Variants in EPC2 observed in about 807,000 individuals in gnomAD.
The protein encoded by EPC2 is enhancer of polycomb homolog 2.
In EPC2, 14 loss-of-function variants were observed where a neutral mutation model predicts 92.1. The observed-to-expected ratio is 0.15, with a 90% CI of 0.10 to 0.24. The LOEUF (loss-of-function observed/expected upper bound fraction) is 0.24. EPC2 is among the 10% of genes least tolerant of loss of function. The probability of loss-of-function intolerance (pLI) is 1.00; values close to 1 mark genes in which losing one functional copy is unlikely to be tolerated. For synonymous variants in EPC2, 340 were observed against 334.7 expected (o/e 1.02, Z -0.17); for missense variants, 755 against 971.5 (o/e 0.78, Z 2.96).
chr2:148,723,451 C>T (rs1460548463), intron 2 of EPC2, among the ~76,000 whole-genome samples: 1 of 152,112 alleles, frequency 6.6e-6, no homozygotes, highest in Non-Finnish European at 1.5e-5. Context: ...TTTTCCAGCC[C>T]TCCCTCTCCC....
At chr2:148,753,469 T>G (rs1409015919) in intron 3 of EPC2, among the ~76,000 whole-genome samples, 1 of 152,192 alleles carries the variant, frequency 6.6e-6, no homozygotes, top group Non-Finnish European at 1.5e-5. Flanking sequence ...AATTGCAATA[T>G]ATTAGAGAAT....
chr2:148,772,573 A>G (rs993223296), intron 10 of EPC2, among the ~76,000 whole-genome samples: 1 of 152,190 alleles, frequency 6.6e-6, no homozygotes, highest in Non-Finnish European at 1.5e-5. Flanking sequence ...TGATTTGTTT[A>G]AAGGTTATAA....
At chr2:148,712,207 T>G (rs1010835470) in intron 2 of EPC2, among the ~76,000 whole-genome samples, 6 of 152,134 alleles carry the variant, frequency 3.9e-5, no homozygotes, top group African/African-American at 1.4e-4. Context: ...TTTCTCTCCT[T>G]TCTTAGCATA....
intron 10 of EPC2, among the ~76,000 whole-genome samples, chr2:148,781,202 TA>T (rs1282840987): frequency 6.6e-6 from 1 of 152,246 alleles, no homozygotes; most frequent in Non-Finnish European, 1.5e-5. Context: ...TTCAGTGTTT[TA>T]TGAAACCAGC....
chr2:148,728,889 G>T (rs555517635), intron 2 of EPC2, among the ~76,000 whole-genome samples: 3 of 151,650 alleles, frequency 2.0e-5, no homozygotes, highest in Admixed American at 2.0e-4. Context: ...AAAATTAGCC[G>T]GGCATGGTGG....
At chr2:148,731,694 C>G (rs1453208362) in intron 2 of EPC2, among the ~76,000 whole-genome samples, 3 of 152,060 alleles carry the variant, frequency 2.0e-5, no homozygotes, top group Admixed American at 2.0e-4. Flanking sequence ...GAGCCACTGC[C>G]CCCGGCCAGA....
intron 2 of EPC2, among the ~76,000 whole-genome samples, chr2:148,743,280 T>C (rs1049754949): frequency 1.3e-5 from 2 of 152,182 alleles, no homozygotes; most frequent in African/African-American, 2.4e-5. Flanking sequence ...CTTGAGCTTG[T>C]TTCTCAATTC....
chr2:148,665,405 A>G (rs1020648035), intron 1 of EPC2, among the ~76,000 whole-genome samples: 2 of 152,206 alleles, frequency 1.3e-5, no homozygotes, highest in Non-Finnish European at 2.9e-5. Flanking sequence ...TCGAGTGAAT[A>G]TTTAAGCTAC....
At chr2:148,760,081 A>G (rs996281649) in intron 4 of EPC2, among the ~76,000 whole-genome samples, 3 of 152,102 alleles carry the variant, frequency 2.0e-5, no homozygotes, top group Non-Finnish European at 4.4e-5. Context: ...CATCTCTTCT[A>G]AAAATACAAA....
chr2:148,754,830 A>T (rs1218937561), intron 4 of EPC2, among the ~76,000 whole-genome samples: 1 of 152,238 alleles, frequency 6.6e-6, no homozygotes, highest in Non-Finnish European at 1.5e-5. Flanking sequence ...ACAGGATCTC[A>T]TACTGTTAAA....
At chr2:148,650,730 A>G (rs1371821779) in intron 1 of EPC2, among the ~76,000 whole-genome samples, 2 of 151,792 alleles carry the variant, frequency 1.3e-5, no homozygotes, top group African/African-American at 2.4e-5. Context: ...AATATATTTC[A>G]TGTTTCATAA....
intron 1 of EPC2, among the ~76,000 whole-genome samples, chr2:148,658,615 A>G (rs144592720): frequency 0.6 from 87,668 of 145,216 alleles, 28,762 homozygotes; most frequent in Non-Finnish European, 0.75. Context: ...GTGTATATAT[A>G]TATATATATA....
intron 2 of EPC2, among the ~76,000 whole-genome samples, chr2:148,733,332 T>C (rs1176559457): frequency 6.6e-6 from 1 of 151,946 alleles, no homozygotes; most frequent in African/African-American, 2.4e-5. Context: ...GAACTTAAAC[T>C]AGGGATGAGC....
At chr2:148,763,227 GTCA>G (rs1214834024) in intron 6 of EPC2, among the ~76,000 whole-genome samples, 1 of 152,050 alleles carries the variant, frequency 6.6e-6, no homozygotes, top group South Asian at 2.1e-4. Context: ...AATTATTATT[GTCA>G]TCATCATTTC....
intron 5 of EPC2, 128 bp from the exon 6 acceptor site, chr2:148,762,542 T>A: frequency 1.4e-6 from 1 of 697,704 alleles, no homozygotes; most frequent in Non-Finnish European, 2.2e-6. Flanking sequence ...AAATTTTATC[T>A]TTTAAAAGTA....
intron 4 of EPC2, among the ~76,000 whole-genome samples, chr2:148,757,844 T>A (rs1051012504): frequency 6.6e-6 from 1 of 150,894 alleles, no homozygotes; most frequent in Admixed American, 6.6e-5. Flanking sequence ...TCAAAAATAA[T>A]AAAATAAAAT....
rs551019477 is a variant in EPC2 at position 148,787,393 on chromosome 2, T to C, written c.*1016T>C. ...GTTGGAAAAAGTCTGACTGTAAGCGTTGGACACCTTCATAGTGTAGTGTTT... is the reference window on the plus strand; with the variant it reads ...GTTGGAAAAAGTCTGACTGTAAGCGCTGGACACCTTCATAGTGTAGTGTTT... On this transcript the variant is annotated 3_prime_UTR_variant, in exon 14 of 14. Coordinates refer to ENST00000258484, the MANE Select transcript of EPC2 (RefSeq NM_015630.4). 2.6e-5 allele frequency: 4 copies of C among 152,596 alleles called. No homozygotes were observed. The highest frequency in any genetic ancestry group is 4.4e-5 in the Non-Finnish European group (3 of 68,026). 9.5% of individuals were successfully genotyped at this position (152,596 alleles called of 1,614,324 possible). A position where few individuals can be genotyped will look rare whatever the true frequency, so the allele number is the denominator to read the frequency against.
intron 2 of EPC2, among the ~76,000 whole-genome samples, chr2:148,712,628 G>T (rs1282505929): frequency 3.3e-5 from 5 of 151,968 alleles, no homozygotes; most frequent in Non-Finnish European, 7.4e-5. Flanking sequence ...GGTGGCTCAC[G>T]CCTGTAATCC....
chr2:148,665,551 G>A (rs1257570476), intron 1 of EPC2, among the ~76,000 whole-genome samples: 3 of 152,146 alleles, frequency 2.0e-5, no homozygotes, highest in Admixed American at 2.0e-4. Context: ...AACATTTGTT[G>A]CATTATCAAG....
Sources: gnomAD v4.1 joint callset for allele counts (sites outside exome capture counted in the v4.1 genomes callset) on GRCh38, gnomAD v4.1.1 for gene constraint, MANE v1.5 for transcripts, NCBI Gene and HGNC (gene_info 2026-07-23, HGNC 2026-07-21) for gene names.